Variants in MBNL3 observed in about 807,000 individuals in gnomAD.
MBNL3 encodes muscleblind like splicing regulator 3.
Under a neutral mutation model 24.5 loss-of-function variants are expected in MBNL3, and 6 were observed. The observed-to-expected ratio is 0.25, with a 90% CI of 0.13 to 0.48. The LOEUF is 0.48. Among genes scored for constraint, MBNL3 ranks in the 20% least tolerant of loss-of-function variants. The pLI is 0.99. For synonymous variants in MBNL3, 100 were observed against 101.7 expected, an observed-to-expected ratio of 0.98 and a Z score of 0.10; for missense variants, 230 against 293.5, an observed-to-expected ratio of 0.78 and a Z score of 1.58.
intron 3 of MBNL3, among the ~76,000 whole-genome samples, chrX:132,399,436 A>G (rs527349888): frequency 2.0e-4 from 22 of 111,228 alleles, no homozygotes; most frequent in East Asian, 2.8e-4. Context: ...AGAGTTCTAA[A>G]AAAAAGTGAT....
intron 2 of MBNL3, among the ~76,000 whole-genome samples, chrX:132,435,468 T>C (rs1454313262): frequency 9.0e-6 from 1 of 111,215 alleles, no homozygotes; most frequent in African/African-American, 3.3e-5. Context: ...TGGTAAACTT[T>C]CCCTTGGCAA....
At chrX:132,450,385 C>T (rs191275805) in intron 1 of MBNL3, among the ~76,000 whole-genome samples, 1 of 111,280 alleles carries the variant, frequency 9.0e-6, no homozygotes, top group Non-Finnish European at 1.9e-5. Context: ...TTTCTCTAAT[C>T]TTGTCTTCAC....
rs1933446646 is a variant in MBNL3 at position 132,369,715 on chromosome X, T to A, written c.*9951A>T. On this transcript the variant is annotated 3_prime_UTR_variant, in exon 9 of 9. Transcript: ENST00000370853. Reference sequence around the variant, plus strand: ...TTCATCCAGTTACACTATGATTTTTTAAAAATAAATCTTTCCTTGTACTTG... The same window carrying A: ...TTCATCCAGTTACACTATGATTTTTAAAAAATAAATCTTTCCTTGTACTTG... The A allele has an allele frequency of 8.9e-6, 1 of 112,034 alleles. No homozygotes were observed. Among genetic ancestry groups the A allele is most frequent in the South Asian group, 3.7e-4 (1 of 2,701 alleles). 9.2% of individuals were successfully genotyped at this position (112,034 alleles called of 1,213,427 possible).
rs1388822916 is a variant in MBNL3 at position 132,372,468 on chromosome X, ATAT to A, written c.*7195_*7197del. On this transcript the variant is annotated 3_prime_UTR_variant, in exon 9 of 9. Coordinates refer to ENST00000370853, the MANE Select transcript of MBNL3 (RefSeq NM_001386889.1). ...TTAAAGCAGCAACAATAATATTAAA[ATAT>A]TATTAATATTATAATATTAAAATAA... The A allele has an allele frequency of 7.4e-5, 8 of 107,746 alleles. No homozygotes were observed. Among genetic ancestry groups the A allele is most frequent in the African/African-American group, 2.3e-4 (7 of 30,159 alleles). 8.9% of individuals were successfully genotyped at this position (107,746 alleles called of 1,213,427 possible). A position where few individuals can be genotyped will look rare whatever the true frequency, so the allele number is the denominator to read the frequency against.
intron 1 of MBNL3, among the ~76,000 whole-genome samples, chrX:132,447,495 T>A (rs778328221): frequency 5.1e-4 from 57 of 111,568 alleles, no homozygotes; most frequent in Non-Finnish European, 7.5e-4. Flanking sequence ...GATTCCTAGG[T>A]ATTTTATTCT....
intron 1 of MBNL3, among the ~76,000 whole-genome samples, chrX:132,447,237 G>A (rs990951274): frequency 8.9e-6 from 1 of 111,781 alleles, no homozygotes; most frequent in Non-Finnish European, 1.9e-5. Context: ...GGCTATGCGG[G>A]TTCTTTTTTG....
chrX:132,391,149 T>G, intron 4 of MBNL3, 66 bp from the exon 5 acceptor site: 1 of 831,173 alleles, frequency 1.2e-6, no homozygotes, highest in Admixed American at 2.3e-5. Flanking sequence ...TGGCTTTTAT[T>G]TATTTTGCTA....
chrX:132,409,058 G>T (rs1266705323), intron 2 of MBNL3, among the ~76,000 whole-genome samples: 1 of 111,960 alleles, frequency 8.9e-6, no homozygotes, highest in Non-Finnish European at 1.9e-5. Flanking sequence ...TATTATCCGT[G>T]CAATACAACA....
chrX:132,483,374 G>A (rs902866124), intron 1 of MBNL3, among the ~76,000 whole-genome samples: 3 of 111,771 alleles, frequency 2.7e-5, no homozygotes, highest in African/African-American at 9.8e-5. Context: ...CCAGTGTATA[G>A]TATATGAATC....
chrX:132,463,219 T>C (rs1462482489), intron 1 of MBNL3, among the ~76,000 whole-genome samples: 2 of 112,389 alleles, frequency 1.8e-5, no homozygotes, highest in African/African-American at 3.2e-5. Flanking sequence ...CTCAGCACTT[T>C]GGGAGGCTGA....
intron 3 of MBNL3, among the ~76,000 whole-genome samples, chrX:132,396,534 A>ATATATTCCTATATATATTCC (rs1569424237): frequency 6.6e-4 from 29 of 43,686 alleles, no homozygotes; most frequent in African/African-American, 3.6e-3. Flanking sequence ...ATATATATTC[A>ATATATTCCTATATATATTCC]TATATATATT....
intron 1 of MBNL3, among the ~76,000 whole-genome samples, chrX:132,445,498 CT>C (rs1409384242): frequency 9.0e-6 from 1 of 110,722 alleles, no homozygotes; most frequent in African/African-American, 3.3e-5. Context: ...TTTTCATTAA[CT>C]TTTTTTTAAA....
At chrX:132,482,676 C>T (rs1036464431) in intron 1 of MBNL3, among the ~76,000 whole-genome samples, 3 of 112,345 alleles carry the variant, frequency 2.7e-5, no homozygotes, top group African/African-American at 9.7e-5. Flanking sequence ...TATTTTGACC[C>T]TACATTTTCA....
chrX:132,412,874 C>G (rs1368780980), intron 2 of MBNL3, among the ~76,000 whole-genome samples: 4 of 112,428 alleles, frequency 3.6e-5, no homozygotes, highest in African/African-American at 1.3e-4. Context: ...CACAACGAAG[C>G]ACATTGGTAC....
At chrX:132,424,577 T>C (rs1390958704) in intron 2 of MBNL3, among the ~76,000 whole-genome samples, 2 of 111,911 alleles carry the variant, frequency 1.8e-5, no homozygotes, top group East Asian at 5.6e-4. Context: ...AACAATTCTC[T>C]CTTGGGGGTG....
Position 132,439,650 on chromosome X carries a change from GACAATATTACT to G in MBNL3, c.-50_-40del. 1 of 1,153,281 alleles carries G rather than the reference GACAATATTACT, an allele frequency of 8.7e-7. No individual in the cohort carries two copies. Among genetic ancestry groups the G allele is most frequent in the East Asian group, 3.1e-5 (1 of 32,281 alleles). On this transcript the variant is annotated 5_prime_UTR_variant, in exon 2 of 9. Transcript: ENST00000370853. ...TTAAAATCCAATGTACCCTCTTTAG[GACAATATTACT>G]GTGGACTATTAAAGGATTAAAAATG... is the stretch of plus-strand genomic sequence containing the variant.
intron 2 of MBNL3, among the ~76,000 whole-genome samples, chrX:132,417,605 C>G (rs999025647): frequency 1.8e-5 from 2 of 111,569 alleles, no homozygotes; most frequent in South Asian, 7.5e-4. Context: ...TTCTATTAAG[C>G]ACGAAAAGAT....
At chrX:132,404,590 C>T (rs188213184) in intron 3 of MBNL3, among the ~76,000 whole-genome samples, 1 of 112,234 alleles carries the variant, frequency 8.9e-6, no homozygotes, top group East Asian at 2.8e-4. Flanking sequence ...TAGTACAGAA[C>T]ATGACATCTA....
At chrX:132,402,020 A>T (rs2148245283) in intron 3 of MBNL3, among the ~76,000 whole-genome samples, 1 of 112,179 alleles carries the variant, frequency 8.9e-6, no homozygotes, top group Admixed American at 9.5e-5. Flanking sequence ...AGGAAAACCT[A>T]GAGAGGAAGA....
Sources: gnomAD v4.1 joint callset for allele counts (sites outside exome capture counted in the v4.1 genomes callset) on GRCh38, gnomAD v4.1.1 for gene constraint, MANE v1.5 for transcripts, NCBI Gene and HGNC (gene_info 2026-07-23, HGNC 2026-07-21) for gene names.